The following FAM13A variants were observed in gnomAD, a reference collection of about 807,000 sequenced individuals.
The protein encoded by FAM13A is protein FAM13A.
Under a neutral mutation model 129.6 loss-of-function variants are expected in FAM13A, and 76 were observed. The ratio of observed to expected loss-of-function variants is 0.59; its 90% confidence interval spans 0.49 to 0.71. The LOEUF (loss-of-function observed/expected upper bound fraction) is 0.71, where lower values mean the gene tolerates loss of function less well. FAM13A is among the 30% of genes least tolerant of loss of function. The pLI, the probability that FAM13A is intolerant of heterozygous loss-of-function variation, is 0.00. For missense variants in FAM13A, 1,108 were observed against 1,249.3 expected, an observed-to-expected ratio of 0.89 and a Z score of 1.70; for synonymous variants, 443 against 449.9, an observed-to-expected ratio of 0.98 and a Z score of 0.20.
intron 4 of FAM13A, 88 bp from the exon 5 acceptor site, chr4:88,938,329 T>G: frequency 9.7e-7 from 1 of 1,026,286 alleles, no homozygotes; most frequent in Non-Finnish European, 1.4e-6. Flanking sequence ...TGAAATCTCC[T>G]GAATAATTAG....
chr4:88,828,798 AC>A (rs567218675), intron 7 of FAM13A, among the ~76,000 whole-genome samples: 180 of 152,364 alleles, frequency 1.2e-3, no homozygotes, highest in African/African-American at 4.0e-3. Context: ...GAAAAATAAT[AC>A]TAACAAATAA....
At chr4:88,878,287 C>CAAAAAAAAAAA (rs56067813) in intron 6 of FAM13A, among the ~76,000 whole-genome samples, 10 of 61,076 alleles carry the variant, frequency 1.6e-4, no homozygotes, top group African/African-American at 6.6e-4. Flanking sequence ...GACTCCATCT[C>CAAAAAAAAAAA]AAAAAAAAAA....
At chr4:88,960,734 C>T (rs879217148) in intron 4 of FAM13A, among the ~76,000 whole-genome samples, 5 of 152,208 alleles carry the variant, frequency 3.3e-5, no homozygotes, top group Admixed American at 3.3e-4. Context: ...GTGTGACAGG[C>T]ATTGTCTTTT....
At chr4:88,955,321 A>G (rs1757574909) in intron 4 of FAM13A, among the ~76,000 whole-genome samples, 1 of 143,024 alleles carries the variant, frequency 7.0e-6, no homozygotes, top group South Asian at 2.3e-4. Context: ...CAGAAAACCA[A>G]TATAATCTAC....
At chr4:88,887,998 CT>C (rs1744729081) in intron 6 of FAM13A, among the ~76,000 whole-genome samples, 1 of 152,174 alleles carries the variant, frequency 6.6e-6, no homozygotes, top group African/African-American at 2.4e-5. Flanking sequence ...TCAAACCACT[CT>C]ACAATTTGGC....
intron 7 of FAM13A, among the ~76,000 whole-genome samples, chr4:88,828,988 A>C (rs1291109896): frequency 6.6e-6 from 1 of 152,154 alleles, no homozygotes. Flanking sequence ...TAATTTTCTT[A>C]CATAACTTCT....
chr4:88,978,472 A>C (rs146621403), intron 4 of FAM13A, among the ~76,000 whole-genome samples: 76 of 152,356 alleles, frequency 5.0e-4, no homozygotes, highest in Admixed American at 9.8e-4. Flanking sequence ...TGACACAGGA[A>C]ATATGTATAA....
In FAM13A at chr4:88,991,106, T is replaced by C; in HGVS notation, c.472A>G (p.Lys158Glu). 6.2e-7 allele frequency: 1 copy of C among 1,613,914 alleles called. No individual in the cohort carries two copies. The highest frequency in any genetic ancestry group is 8.5e-7 in the Non-Finnish European group (1 of 1,179,886). Reference protein sequence around the residue: ...VQESSLRDLIKELPDTHYCLL... With the variant: ...VQESSLRDLIEELPDTHYCLL... ...CAGTAGTGGGTGTCTGGCAGCTCTT[T>C]TATTAAGTCTCTTAAGCTACTCTCC... Residue 158 changes from lysine to glutamate, a missense_variant, in exon 4 of 24, where the codon AAA becomes GAA. Lys to Glu is a moderately conservative substitution (Grantham distance 56). This residue lies in a region of FAM13A where 566 missense variants were observed against 595.7 expected (regional missense o/e 0.95). Transcript: ENST00000264344.
chr4:89,046,380 TA>T (rs1441895638), intron 1 of FAM13A, among the ~76,000 whole-genome samples: 1 of 152,172 alleles, frequency 6.6e-6, no homozygotes, highest in Non-Finnish European at 1.5e-5. Context: ...TAGGAGAAAG[TA>T]AATGGCAGTT....
intron 1 of FAM13A, among the ~76,000 whole-genome samples, chr4:89,048,857 T>C (rs1457013155): frequency 6.6e-6 from 1 of 152,236 alleles, no homozygotes. Context: ...ACACTTAGAA[T>C]CCTTTGGTTA....
At chr4:88,974,532 T>C (rs2609277) in intron 4 of FAM13A, among the ~76,000 whole-genome samples, 105,235 of 151,864 alleles carry the variant, frequency 0.69, 36,588 homozygotes, top group Middle Eastern at 0.8. Flanking sequence ...GGCTGGAGTG[T>C]AATGGCGTGA....
intron 1 of FAM13A, among the ~76,000 whole-genome samples, chr4:89,053,564 T>C (rs1229261842): frequency 6.6e-6 from 1 of 152,102 alleles, no homozygotes; most frequent in African/African-American, 2.4e-5. Context: ...TAGTTGATGG[T>C]ACCAGGCGGT....
intron 6 of FAM13A, among the ~76,000 whole-genome samples, chr4:88,868,753 A>G (rs1000684941): frequency 1.3e-5 from 2 of 152,080 alleles, no homozygotes; most frequent in Admixed American, 6.6e-5. Flanking sequence ...TACAACACTT[A>G]AGCTCTATAT....
Position 88,764,635 on chromosome 4 carries a change from A to T in FAM13A, c.1578+2918T>A, listed in dbSNP as rs375164049. On this transcript the variant is annotated intron_variant, in intron 13 of 23. Coordinates refer to ENST00000264344, the MANE Select transcript of FAM13A (RefSeq NM_014883.4). ...ATACTTGTAGTTTGTTAAAAGAGTTAATAATACACAGAAGAACAAAGACTC... is the reference window on the plus strand; with the variant it reads ...ATACTTGTAGTTTGTTAAAAGAGTTTATAATACACAGAAGAACAAAGACTC... Among the ~76,000 whole-genome samples the T allele has an allele frequency of 1.5e-4, 23 of 152,290 alleles. 1 individual carries two copies. In the East Asian group the frequency reaches 3.9e-3, roughly 26 times the overall value.
At chr4:88,872,630 C>A (rs1235229696) in intron 6 of FAM13A, among the ~76,000 whole-genome samples, 1 of 152,204 alleles carries the variant, frequency 6.6e-6, no homozygotes, top group Non-Finnish European at 1.5e-5. Context: ...CACCCAGATT[C>A]ACAAAGCAAG....
intron 6 of FAM13A, among the ~76,000 whole-genome samples, chr4:88,887,077 A>T (rs540324845): frequency 6.6e-6 from 1 of 152,180 alleles, no homozygotes; most frequent in Non-Finnish European, 1.5e-5. Context: ...GTTCTCATTC[A>T]TAAGTGGGAG....
intron 5 of FAM13A, among the ~76,000 whole-genome samples, chr4:88,929,148 AT>A (rs1275100726): frequency 6.6e-6 from 1 of 151,072 alleles, no homozygotes; most frequent in Non-Finnish European, 1.5e-5. Context: ...TATGAAGTAT[AT>A]TCTGGAAGGA....
chr4:88,986,351 C>G (rs1406825418), intron 4 of FAM13A, among the ~76,000 whole-genome samples: 1 of 152,204 alleles, frequency 6.6e-6, no homozygotes, highest in Non-Finnish European at 1.5e-5. Flanking sequence ...CCAGGCTGGT[C>G]TTGAACTCCT....
At position 88,913,433 on chromosome 4, in the gene FAM13A, G is replaced by C. The variant is rs1227658312; in HGVS notation, c.760-6971C>G. On this transcript the variant is annotated intron_variant, in intron 5 of 23. Transcript: ENST00000264344. ...GTAGTAGAAGTAGTAGTAGAGGGAA[G>C]AGGGAAGAAGAGGAGGAGGAAGAAG... 2.5e-5 allele frequency among the ~76,000 whole-genome samples: 3 copies of C among 120,402 alleles called. No homozygotes were observed. The Admixed American group carries it at 2.7e-4, about 11-fold the overall frequency. The allele number at this position is 120,402 out of a possible 152,430, so 79.0% of individuals were successfully genotyped here.
Sources: allele counts gnomAD v4.1 joint callset (sites outside exome capture counted in the v4.1 genomes callset), GRCh38; gene constraint gnomAD v4.1.1; regional missense constraint gnomAD v4.1.1; transcripts MANE v1.5; gene names NCBI Gene and HGNC (gene_info 2026-07-23, HGNC 2026-07-21).